Variants in BLTP3B observed in about 807,000 individuals in gnomAD.
BLTP3B encodes bridge-like lipid transfer protein family member 3B.
At chr12:100,098,513 C>T in the BLTP3B span, 7 of 1,612,618 alleles carry the variant, frequency 4.3e-6, no homozygotes, top group Non-Finnish European at 5.9e-6. Flanking sequence ...GAAATTCCCT[C>T]AACTACTTTT....
At chr12:100,130,702 G>A in the BLTP3B span, among the ~76,000 whole-genome samples, 1 of 152,174 alleles carries the variant, frequency 6.6e-6, no homozygotes, top group East Asian at 1.9e-4. Context: ...GATCACCTGA[G>A]GTCAGGAGTT....
the BLTP3B span, among the ~76,000 whole-genome samples, chr12:100,083,849 T>C: frequency 6.6e-6 from 1 of 152,202 alleles, no homozygotes; most frequent in South Asian, 2.1e-4. Context: ...CACAAGCCTA[T>C]GTTGGTCTGA....
chr12:100,088,890 G>C, the BLTP3B span: 1 of 1,492,646 alleles, frequency 6.7e-7, no homozygotes, highest in South Asian at 1.4e-5. Flanking sequence ...AACCAAAATA[G>C]TTTGAAATAA....
the BLTP3B span, chr12:100,037,256 A>C: frequency 1.0e-6 from 1 of 982,444 alleles, no homozygotes; most frequent in Non-Finnish European, 1.2e-6. Flanking sequence ...AAATATGGAG[A>C]AATCAATTCA....
chr12:100,059,528 G>T, the BLTP3B span: 39 of 1,586,008 alleles, frequency 2.5e-5, no homozygotes, highest in Non-Finnish European at 3.2e-5. Flanking sequence ...CAGAAGGAAT[G>T]ACAAACTAGA....
the BLTP3B span, chr12:100,098,220 C>T: frequency 9.8e-5 from 96 of 977,230 alleles, no homozygotes; most frequent in Non-Finnish European, 1.3e-4. Flanking sequence ...CCTGTCTCCC[C>T]GCACCCTCCC....
At chr12:100,088,485 T>C in the BLTP3B span, among the ~76,000 whole-genome samples, 14 of 152,206 alleles carry the variant, frequency 9.2e-5, no homozygotes, top group African/African-American at 3.1e-4. Context: ...AGTTGCACAG[T>C]TGTGCTTCTA....
At chr12:100,090,776 T>G in the BLTP3B span, among the ~76,000 whole-genome samples, 3 of 152,192 alleles carry the variant, frequency 2.0e-5, no homozygotes, top group Non-Finnish European at 4.4e-5. Context: ...ACACTTTTTC[T>G]CCTGCTTTTC....
the BLTP3B span, among the ~76,000 whole-genome samples, chr12:100,075,741 T>C: frequency 6.6e-6 from 1 of 152,156 alleles, no homozygotes; most frequent in African/African-American, 2.4e-5. Flanking sequence ...CAATGCTCAA[T>C]ACACTAATCA....
At chr12:100,135,193 A>C in the BLTP3B span, among the ~76,000 whole-genome samples, 9 of 151,916 alleles carry the variant, frequency 5.9e-5, no homozygotes, top group African/African-American at 9.7e-5. Context: ...AATATCAAAC[A>C]AGTTCCCAGT....
At chr12:100,103,817 G>A in the BLTP3B span, 1 of 1,099,354 alleles carries the variant, frequency 9.1e-7, no homozygotes. Context: ...GAAAAATCCA[G>A]ACTATATTTC....
At chr12:100,099,002 T>A in the BLTP3B span, among the ~76,000 whole-genome samples, 19 of 129,128 alleles carry the variant, frequency 1.5e-4, no homozygotes, top group Admixed American at 5.8e-4. Context: ...TTTTATTATT[T>A]TTTTTTTCCC....
At chr12:100,064,242 A>T in the BLTP3B span, among the ~76,000 whole-genome samples, 1 of 152,200 alleles carries the variant, frequency 6.6e-6, no homozygotes, top group Non-Finnish European at 1.5e-5. Flanking sequence ...GACAAAGAAA[A>T]AAAGAATAAG....
At chr12:100,044,097 TG>T in the BLTP3B span, among the ~76,000 whole-genome samples, 3 of 152,326 alleles carry the variant, frequency 2.0e-5, no homozygotes, top group Admixed American at 6.5e-5. Flanking sequence ...TGTTTTGTTT[TG>T]TTTTTTTTAA....
chr12:100,070,323 G>A, the BLTP3B span, among the ~76,000 whole-genome samples: 9 of 147,614 alleles, frequency 6.1e-5, no homozygotes, highest in Non-Finnish European at 1.3e-4. Flanking sequence ...TTTCGCTCTT[G>A]TTGCCCAGGC....
chr12:100,072,644 G>C, the BLTP3B span: 1 of 1,446,166 alleles, frequency 6.9e-7, no homozygotes, highest in East Asian at 2.6e-5. Context: ...TCAAATAATG[G>C]ACAAATAATA....
At chr12:100,058,949 C>T in the BLTP3B span, 4 of 1,614,002 alleles carry the variant, frequency 2.5e-6, no homozygotes, top group African/African-American at 5.3e-5. Context: ...AAGGCTCAGA[C>T]TCTGTACTAT....
chr12:100,102,624 T>C, the BLTP3B span: 4 of 591,508 alleles, frequency 6.8e-6, no homozygotes, highest in African/African-American at 3.9e-5. Flanking sequence ...ATCTGCAACT[T>C]TGCAATGTAT....
the BLTP3B span, among the ~76,000 whole-genome samples, chr12:100,095,303 GCA>G: frequency 2.0e-5 from 3 of 152,154 alleles, no homozygotes; most frequent in Non-Finnish European, 4.4e-5. Flanking sequence ...TTGATTCTCT[GCA>G]CAGTTAACTC....
Sources: allele counts gnomAD v4.1 joint callset (sites outside exome capture counted in the v4.1 genomes callset), GRCh38; gene constraint gnomAD v4.1.1; transcripts MANE v1.5; gene names NCBI Gene and HGNC (gene_info 2026-07-23, HGNC 2026-07-21).